The following TMEM132D variants were observed in gnomAD, a reference collection of about 807,000 sequenced individuals.
TMEM132D encodes the protein transmembrane protein 132D, also known as mature OL transmembrane protein.
Under a neutral mutation model 62.3 loss-of-function variants are expected in TMEM132D, and 21 were observed. That is an observed-to-expected ratio of 0.34 (90% CI 0.24 to 0.49). TMEM132D has a LOEUF of 0.49. TMEM132D is among the 20% of genes least tolerant of loss of function. TMEM132D has a pLI of 0.99. For missense variants in TMEM132D, 1,346 were observed against 1,402.8 expected, an observed-to-expected ratio of 0.96 and a Z score of 0.65; for synonymous variants, 621 against 575.6, an observed-to-expected ratio of 1.08 and a Z score of -1.13.
At chr12:129,845,249 AAAC>A (rs1231802058) in intron 1 of TMEM132D, among the ~76,000 whole-genome samples, 1 of 152,188 alleles carries the variant, frequency 6.6e-6, no homozygotes, top group Non-Finnish European at 1.5e-5. Flanking sequence ...CTAATAATCA[AAAC>A]AACACTTCCC....
At chr12:129,852,529 G>A (rs972593231) in intron 1 of TMEM132D, 2 of 151,946 alleles carry the variant, frequency 1.3e-5, no homozygotes, top group Non-Finnish European at 2.9e-5. Context: ...GGGTAACAGA[G>A]CAAGACCCTG....
chr12:129,223,154 T>C (rs1364305722), intron 4 of TMEM132D, among the ~76,000 whole-genome samples: 3 of 152,038 alleles, frequency 2.0e-5, no homozygotes, highest in Non-Finnish European at 4.4e-5. Context: ...GAGTCTGGTT[T>C]TCTCCCCTTC....
chr12:129,897,405 T>C (rs867029359), intron 1 of TMEM132D, among the ~76,000 whole-genome samples: 42 of 152,294 alleles, frequency 2.8e-4, no homozygotes, highest in African/African-American at 9.9e-4. Flanking sequence ...ACCTACACTT[T>C]TGGTCCTGGA....
At chr12:129,256,706 A>ACTGTGCCCGGC (rs1880409936) in intron 4 of TMEM132D, among the ~76,000 whole-genome samples, 2 of 151,864 alleles carry the variant, frequency 1.3e-5, no homozygotes, top group Non-Finnish European at 2.9e-5. Context: ...ACAGGCGTGC[A>ACTGTGCCCGGC]CCATCACGTC....
intron 1 of TMEM132D, among the ~76,000 whole-genome samples, chr12:129,720,943 C>A (rs1868800986): frequency 6.6e-6 from 1 of 152,232 alleles, no homozygotes; most frequent in East Asian, 1.9e-4. Context: ...ATGGGCACTG[C>A]CCTCCAGGAG....
intron 2 of TMEM132D, among the ~76,000 whole-genome samples, chr12:129,535,217 A>G (rs1876347295): frequency 6.6e-6 from 1 of 152,200 alleles, no homozygotes; most frequent in South Asian, 2.1e-4. Flanking sequence ...AGACCAGAAC[A>G]AGGGATTTCC....
chr12:129,343,572 T>C (rs182421885), intron 3 of TMEM132D, among the ~76,000 whole-genome samples: 15 of 152,122 alleles, frequency 9.9e-5, no homozygotes, highest in African/African-American at 3.6e-4. Context: ...ACTTAAAGTA[T>C]AATAATAATA....
intron 1 of TMEM132D, among the ~76,000 whole-genome samples, chr12:129,900,992 C>T (rs775830925): frequency 3.2e-4 from 48 of 152,124 alleles, no homozygotes; most frequent in Non-Finnish European, 4.0e-4. Flanking sequence ...GAAATATAAA[C>T]GTGTAAGGCT....
At chr12:129,609,195 T>G (rs1878705383) in intron 2 of TMEM132D, among the ~76,000 whole-genome samples, 1 of 152,096 alleles carries the variant, frequency 6.6e-6, no homozygotes, top group African/African-American at 2.4e-5. Flanking sequence ...TCTGCCAACC[T>G]TGGCCTCCCA....
At chr12:129,542,696 G>T (rs958211390) in intron 2 of TMEM132D, among the ~76,000 whole-genome samples, 3 of 151,926 alleles carry the variant, frequency 2.0e-5, no homozygotes, top group Non-Finnish European at 4.4e-5. Context: ...GTATATGTAG[G>T]TATATATATA....
chr12:129,654,229 G>A (rs1359438213), intron 2 of TMEM132D, among the ~76,000 whole-genome samples: 1 of 151,942 alleles, frequency 6.6e-6, no homozygotes, highest in Non-Finnish European at 1.5e-5. Flanking sequence ...TCTCAGACAT[G>A]TTCCCATCAG....
chr12:129,462,912 CAA>C (rs888752211), intron 3 of TMEM132D, among the ~76,000 whole-genome samples: 26 of 152,186 alleles, frequency 1.7e-4, no homozygotes, highest in African/African-American at 5.3e-4. Flanking sequence ...ATGAGAAGGG[CAA>C]AGAGAGAGGT....
intron 3 of TMEM132D, among the ~76,000 whole-genome samples, chr12:129,510,497 G>T (rs1196180144): frequency 6.6e-6 from 1 of 152,050 alleles, no homozygotes; most frequent in African/African-American, 2.4e-5. Flanking sequence ...TGTTTGCTTT[G>T]GCGTGTGTGC....
chr12:129,758,920 ATTTC>A (rs772327892), intron 1 of TMEM132D, among the ~76,000 whole-genome samples: 255 of 150,950 alleles, frequency 1.7e-3, no homozygotes, highest in Middle Eastern at 3.4e-3. Context: ...TGTGTGTTTA[ATTTC>A]TTTCTTTCTT....
chr12:129,109,596 C>T (rs1348759095), intron 5 of TMEM132D: 1 of 152,364 alleles, frequency 6.6e-6, no homozygotes, highest in East Asian at 1.9e-4. Flanking sequence ...GCTGGTCTTT[C>T]CTGTGCTAGT....
chr12:129,571,877 A>C (rs1023431227), intron 2 of TMEM132D, among the ~76,000 whole-genome samples: 8 of 152,178 alleles, frequency 5.3e-5, no homozygotes, highest in Non-Finnish European at 1.0e-4. Flanking sequence ...AAAAAGCAAA[A>C]GCTCCTTCCT....
intron 3 of TMEM132D, among the ~76,000 whole-genome samples, chr12:129,347,554 T>G (rs1869727047): frequency 6.6e-6 from 1 of 152,104 alleles, no homozygotes; most frequent in African/African-American, 2.4e-5. Context: ...TATACAAAAA[T>G]TAACTCAAGG....
At chr12:129,807,407 G>A (rs958803332) in intron 1 of TMEM132D, among the ~76,000 whole-genome samples, 1 of 152,126 alleles carries the variant, frequency 6.6e-6, no homozygotes, top group African/African-American at 2.4e-5. Context: ...ATGCTCTTCA[G>A]TCTCCACTAA....
chr12:129,266,135 A>G (rs1226845521), intron 4 of TMEM132D, among the ~76,000 whole-genome samples: 1 of 152,108 alleles, frequency 6.6e-6, no homozygotes. Context: ...GCCATATTGG[A>G]TGGTCATTTC....
Sources: gnomAD v4.1 joint callset for allele counts (sites outside exome capture counted in the v4.1 genomes callset) on GRCh38, gnomAD v4.1.1 for gene constraint, MANE v1.5 for transcripts, NCBI Gene and HGNC (gene_info 2026-07-23, HGNC 2026-07-21) for gene names.